CLIC5: variants seen among roughly 807,000 people sequenced by gnomAD.
The protein encoded by CLIC5 is CLIC family member 5, also known as chloride intracellular channel protein 5.
In CLIC5, 20 loss-of-function variants were observed where a neutral mutation model predicts 24.7. The ratio of observed to expected loss-of-function variants is 0.81; its 90% CI spans 0.57 to 1.18. CLIC5 has a LOEUF of 1.18. Ranked by LOEUF, CLIC5 falls within the 50% of genes most tolerant of loss-of-function variation. CLIC5 has a pLI of 0.00. For missense variants in CLIC5, 341 were observed against 326.1 expected (o/e 1.05, Z -0.35); for synonymous variants, 159 against 135.6 (o/e 1.17, Z -1.20).
chr6:46,101,349 T>C, the CLIC5 span, among the ~76,000 whole-genome samples: 5 of 152,174 alleles, frequency 3.3e-5, no homozygotes, highest in Non-Finnish European at 7.4e-5. Flanking sequence ...AATTAAAACT[T>C]CATATATGTT....
chr6:46,084,494 G>C (rs1260383613), upstream of CLIC5, among the ~76,000 whole-genome samples: 1 of 152,258 alleles, frequency 6.6e-6, no homozygotes, highest in South Asian at 2.1e-4. Flanking sequence ...CTCAGCATTT[G>C]CTTGTCTGTA....
intron 6 of CLIC5, among the ~76,000 whole-genome samples, chr6:45,889,927 C>T (rs536831095): frequency 6.6e-6 from 1 of 152,134 alleles, no homozygotes; most frequent in South Asian, 2.1e-4. Flanking sequence ...AGTTAGGTTG[C>T]ATTCATAGAA....
chr6:45,997,379 A>G (rs1359708365), intron 1 of CLIC5, among the ~76,000 whole-genome samples: 3 of 146,372 alleles, frequency 2.0e-5, no homozygotes, highest in African/African-American at 7.5e-5. Flanking sequence ...GGGGAGGGAT[A>G]GCATTGGGAG....
In CLIC5 at chr6:46,069,851, G is replaced by T. The variant is rs141021175; in HGVS notation, c.540+9852C>A. On this transcript the variant is annotated intron_variant, in intron 1 of 5. Coordinates refer to the CLIC5 transcript ENST00000185206. ...AAATACTGGCAAACTGAATTCAGCA[G>T]CACATCAAAAAGCTTATCCACCATG... is the stretch of plus-strand genomic sequence containing the variant. 6.6e-3 allele frequency among the ~76,000 whole-genome samples: 1,007 copies of T among 152,208 alleles called. 5 individuals are homozygous for T. The highest frequency in any genetic ancestry group is 0.012 in the Non-Finnish European group (810 of 68,006).
intron 4 of CLIC5, chr6:45,934,409 G>A (rs545804052): frequency 8.6e-4 from 123 of 142,670 alleles, no homozygotes; most frequent in Middle Eastern, 3.7e-3. Flanking sequence ...GGAAATAAGA[G>A]AGAAAAGTGG....
At chr6:46,006,844 T>G (rs1265062518) in intron 1 of CLIC5, among the ~76,000 whole-genome samples, 3 of 151,820 alleles carry the variant, frequency 2.0e-5, no homozygotes, top group African/African-American at 7.3e-5. Flanking sequence ...CCCGGCTAAT[T>G]TTTTTGTATT....
downstream of CLIC5, among the ~76,000 whole-genome samples, chr6:45,894,539 A>C (rs1762378136): frequency 6.6e-6 from 1 of 152,270 alleles, no homozygotes; most frequent in South Asian, 2.1e-4. Flanking sequence ...GCATGAAAAA[A>C]ATCCCATTAA....
intron 2 of CLIC5, among the ~76,000 whole-genome samples, chr6:45,953,245 T>G (rs1300027347): frequency 6.6e-6 from 1 of 152,186 alleles, no homozygotes; most frequent in Non-Finnish European, 1.5e-5. Flanking sequence ...TGATTTTTTT[T>G]TAATGAGAAA....
At chr6:45,914,604 C>G (rs1762950095) in intron 4 of CLIC5, 195 bp from the exon 5 acceptor site, 4 of 1,094,402 alleles carry the variant, frequency 3.7e-6, no homozygotes, top group Non-Finnish European at 4.6e-6. Flanking sequence ...AAAAGGCAAA[C>G]TCTAACCAAA....
intron 1 of CLIC5, among the ~76,000 whole-genome samples, chr6:46,052,965 C>A (rs1446507298): frequency 6.6e-6 from 1 of 151,902 alleles, no homozygotes; most frequent in Non-Finnish European, 1.5e-5. Flanking sequence ...GGAAAAGGAA[C>A]AATCAGAGAA....
Position 45,899,999 on chromosome 6 carries a change from ACTTT to A in CLIC5, c.*3085_*3088del, listed in dbSNP as rs1041948462. ...TGACTCTGAATTTATCAAGCATTTGACTTTCTTTATCAGGAGATGAAGAAACTGT... is the reference window on the plus strand; with the variant it reads ...TGACTCTGAATTTATCAAGCATTTGACTTTATCAGGAGATGAAGAAACTGT... On this transcript the variant is annotated 3_prime_UTR_variant, in exon 6 of 6. Coordinates refer to ENST00000339561, the MANE Select transcript of CLIC5 (RefSeq NM_016929.5). The A allele has an allele frequency of 1.3e-5, 2 of 152,172 alleles. No individual in the cohort carries two copies. The highest frequency in any genetic ancestry group is 4.8e-5 in the African/African-American group (2 of 41,416). 9.4% of individuals were successfully genotyped at this position (152,172 alleles called of 1,614,324 possible).
In CLIC5 at chr6:45,923,766, T is replaced by C. The variant is rs373796501; in HGVS notation, c.407-9357A>G. On this transcript the variant is annotated intron_variant, in intron 4 of 5. Coordinates refer to ENST00000339561, the MANE Select transcript of CLIC5 (RefSeq NM_016929.5). ...CCATTTCCTAAATGACACACTCTTG[T>C]TTAATTCAGCACTACATACATATTA... Among the ~76,000 whole-genome samples, 22 of 152,364 alleles carry C rather than the reference T, an allele frequency of 1.4e-4. No homozygotes were observed. In the East Asian group the frequency reaches 3.3e-3, roughly 23 times the overall value.
At chr6:46,118,936 G>A in the CLIC5 span, among the ~76,000 whole-genome samples, 2 of 152,122 alleles carry the variant, frequency 1.3e-5, no homozygotes, top group African/African-American at 2.4e-5. Flanking sequence ...GTGTAATCAC[G>A]ATGTGGAATC....
rs550772540 is a variant in CLIC5 at position 45,946,673 on chromosome 6, G to A, written c.299+2583C>T. 2.2e-3 allele frequency among the ~76,000 whole-genome samples: 331 copies of A among 152,322 alleles called. 1 individual carries two copies. Among genetic ancestry groups the A allele is most frequent in the African/African-American group, 7.1e-3 (294 of 41,582 alleles). ...AGCCTGAGTCGCTGGGGAAGCTGGT[G>A]AGGCTGGTGGTTTGTTCTGGGCAGA... On this transcript the variant is annotated intron_variant, in intron 3 of 5. Coordinates refer to ENST00000339561, the MANE Select transcript of CLIC5 (RefSeq NM_016929.5).
Position 46,011,020 on chromosome 6 carries a change from C to T in CLIC5, c.63+4460G>A, listed in dbSNP as rs144218357. On this transcript the variant is annotated intron_variant, in intron 1 of 5. Transcript: ENST00000339561. Reference sequence around the variant, plus strand: ...TTCTGGAAGTCAGATGACCACACCACGAGTCACCACAACTTGTATTGCACC... The same window carrying T: ...TTCTGGAAGTCAGATGACCACACCATGAGTCACCACAACTTGTATTGCACC... Among the ~76,000 whole-genome samples the T allele has an allele frequency of 8.5e-5, 13 of 152,302 alleles. 1 individual carries two copies. In the East Asian group the frequency reaches 1.9e-3, roughly 23 times the overall value.
Position 45,974,497 on chromosome 6 carries a change from G to GTGTA in CLIC5, c.64-19254_64-19253insTACA, listed in dbSNP as rs1192750031. On this transcript the variant is annotated intron_variant, in intron 1 of 5. Coordinates refer to ENST00000339561, the MANE Select transcript of CLIC5 (RefSeq NM_016929.5). ...AGTGTTTACTACTGTGTGTGTGTGT[G>GTGTA]TATATATATATATATATATATATAT... 9.3e-3 allele frequency among the ~76,000 whole-genome samples: 700 copies of GTGTA among 74,976 alleles called. 2 individuals carry two copies. The highest frequency in any genetic ancestry group is 0.016 in the East Asian group (30 of 1,836). The allele number at this position is 74,976 out of a possible 152,430, so 49.2% of individuals were successfully genotyped here.
chr6:46,090,048 T>G, the CLIC5 span, among the ~76,000 whole-genome samples: 1 of 152,196 alleles, frequency 6.6e-6, no homozygotes, highest in African/African-American at 2.4e-5. Flanking sequence ...ACTAAACTTC[T>G]AGCACTAAAA....
intron 1 of CLIC5, among the ~76,000 whole-genome samples, chr6:45,968,673 T>A (rs936971819): frequency 2.0e-5 from 3 of 152,212 alleles, no homozygotes; most frequent in Non-Finnish European, 4.4e-5. Context: ...AAACAACACA[T>A]TCCTTTTTAA....
the CLIC5 span, chr6:46,122,833 G>A: frequency 0.034 from 5,176 of 152,294 alleles, 137 homozygotes; most frequent in Middle Eastern, 0.071. Flanking sequence ...GAATCTAGAA[G>A]AAATGGATAA....
Sources: gnomAD v4.1 joint callset for allele counts (sites outside exome capture counted in the v4.1 genomes callset) on GRCh38, gnomAD v4.1.1 for gene constraint, MANE v1.5 for transcripts, NCBI Gene and HGNC (gene_info 2026-07-23, HGNC 2026-07-21) for gene names.